JAKMIP3: variants seen among roughly 807,000 people sequenced by gnomAD.
The protein encoded by JAKMIP3 is Janus kinase and microtubule interacting protein 3.
In JAKMIP3, 58 loss-of-function variants were observed where a neutral mutation model predicts 118.5. The observed-to-expected ratio is 0.49, with a 90% confidence interval of 0.40 to 0.61. The LOEUF is 0.61. JAKMIP3 is among the 20% of genes least tolerant of loss of function. The probability of loss-of-function intolerance (pLI) is 0.00; values close to 1 mark genes in which losing one functional copy is unlikely to be tolerated. For missense variants in JAKMIP3, 950 were observed against 1,109.0 expected, an observed-to-expected ratio of 0.86 and a Z score of 2.04; for synonymous variants, 486 against 451.2, an observed-to-expected ratio of 1.08 and a Z score of -0.98.
At chr10:132,061,680 C>T (rs528022084), upstream of JAKMIP3, among the ~76,000 whole-genome samples, 9 of 152,262 alleles carry the variant, frequency 5.9e-5, no homozygotes, top group South Asian at 2.1e-4. Context: ...AGCGGTAGCA[C>T]GGGGCTCTCG....
At chr10:132,107,992 T>A (rs969055545) in intron 2 of JAKMIP3, among the ~76,000 whole-genome samples, 3 of 152,192 alleles carry the variant, frequency 2.0e-5, no homozygotes, top group Non-Finnish European at 4.4e-5. Flanking sequence ...CAAGGGCAGC[T>A]CCAGGAGTTG....
chr10:132,096,758 A>G (rs1377419143), intron 1 of JAKMIP3, among the ~76,000 whole-genome samples: 1 of 152,184 alleles, frequency 6.6e-6, no homozygotes, highest in Non-Finnish European at 1.5e-5. Flanking sequence ...AACCAGTGTA[A>G]GAAGACTCTG....
At chr10:132,046,331 C>T (rs1238066772) in intron 1 of JAKMIP3, among the ~76,000 whole-genome samples, 1 of 152,138 alleles carries the variant, frequency 6.6e-6, no homozygotes, top group Admixed American at 6.5e-5. Flanking sequence ...TGGCGGGCAC[C>T]TGTAGTCCCA....
chr10:132,054,824 T>G (rs2038194736), intron 1 of JAKMIP3, among the ~76,000 whole-genome samples: 1 of 152,184 alleles, frequency 6.6e-6, no homozygotes. Flanking sequence ...TCCAGCTTCC[T>G]GAGCCAGCCC....
intron 1 of JAKMIP3, among the ~76,000 whole-genome samples, chr10:132,039,124 C>T (rs1440806533): frequency 6.6e-6 from 1 of 152,180 alleles, no homozygotes; most frequent in Non-Finnish European, 1.5e-5. Context: ...ACTCAGCATT[C>T]GAACCTCTGT....
intron 21 of JAKMIP3, 64 bp downstream of exon 21, chr10:132,164,799 C>G (rs2058725543): frequency 1.8e-6 from 2 of 1,121,460 alleles, no homozygotes. Flanking sequence ...CGGTGTCACC[C>G]CGACCTGAGT....
chr10:132,085,735 G>C (rs1435425895), intron 1 of JAKMIP3, among the ~76,000 whole-genome samples: 1 of 152,046 alleles, frequency 6.6e-6, no homozygotes, highest in Non-Finnish European at 1.5e-5. Context: ...TCCTGACCTC[G>C]TGATCCACCC....
At chr10:132,039,703 C>T (rs944629903) in intron 1 of JAKMIP3, among the ~76,000 whole-genome samples, 3 of 152,218 alleles carry the variant, frequency 2.0e-5, no homozygotes, top group Non-Finnish European at 2.9e-5. Flanking sequence ...GGCTGGCCCC[C>T]GATTCCCTAC....
Position 132,104,841 on chromosome 10 carries a change from G to A in JAKMIP3, c.33G>A (p.Lys11=), listed in dbSNP as rs377579463. The A allele has an allele frequency of 1.5e-5, 23 of 1,554,376 alleles. No homozygotes were observed. The East Asian group carries it at 1.9e-4, about 13-fold the overall frequency. Residue 11 remains lysine (K), a synonymous_variant, in exon 2 of 24, where the codon AAG becomes AAA. Coordinates refer to ENST00000684848, the MANE Select transcript of JAKMIP3 (RefSeq NM_001323087.2). The stretch of plus-strand genomic sequence containing the variant: ...AGAGGGGCATGAGCAGCCGGGCCAA[G>A]GGGGACAAGGCAGAGGCCCTCGCGG... MSKRGMSSRA[K]GDKAEALAAL... is the part of the protein sequence containing the mutation.
At chr10:132,059,040 G>A (rs1447593422) in intron 1 of JAKMIP3, among the ~76,000 whole-genome samples, 5 of 152,236 alleles carry the variant, frequency 3.3e-5, no homozygotes, top group Admixed American at 6.5e-5. Flanking sequence ...TCGGATGCCC[G>A]GCTTGTGTCT....
In JAKMIP3 at chr10:132,133,558, C is replaced by A. The variant is rs373581338; in HGVS notation, c.849+31C>A. On this transcript the variant is annotated intron_variant, in intron 4 of 23. Transcript: ENST00000684848. ...CACCTCCCAGGCCCACCGGCCCACC[C>A]CGTGTCACAGACAGACCTGGCCATG... The A allele has an allele frequency of 2.1e-4, 330 of 1,537,852 alleles. 3 individuals are homozygous for A. In the African/African-American group the frequency reaches 4.0e-3, roughly 19 times the overall value.
chr10:132,164,922 T>TGAGCTGGGC (rs2058741310), intron 21 of JAKMIP3, among the ~76,000 whole-genome samples, 187 bp downstream of exon 21: 1 of 134,342 alleles, frequency 7.4e-6, no homozygotes, highest in Non-Finnish European at 1.7e-5. Flanking sequence ...CTGAGCTGGG[T>TGAGCTGGGC]GGTAGCTGCA....
intron 1 of JAKMIP3, among the ~76,000 whole-genome samples, chr10:132,097,620 C>A (rs1323820155): frequency 6.6e-6 from 1 of 152,014 alleles, no homozygotes; most frequent in Non-Finnish European, 1.5e-5. Flanking sequence ...CAACCTTTGT[C>A]CCCTGGCTGT....
chr10:132,130,816 G>C (rs1589887950), intron 3 of JAKMIP3, among the ~76,000 whole-genome samples: 1 of 152,172 alleles, frequency 6.6e-6, no homozygotes, highest in Non-Finnish European at 1.5e-5. Flanking sequence ...GATCATGTCC[G>C]TGGGCTTCAC....
chr10:132,151,069 C>T (rs1047924263), intron 16 of JAKMIP3, among the ~76,000 whole-genome samples: 8 of 152,220 alleles, frequency 5.3e-5, no homozygotes, highest in African/African-American at 1.9e-4. Flanking sequence ...ACCTTTCACC[C>T]ATCCATCCAT....
chr10:132,178,555 C>T (rs993884968), intron 23 of JAKMIP3, among the ~76,000 whole-genome samples: 3 of 152,198 alleles, frequency 2.0e-5, no homozygotes, highest in Non-Finnish European at 4.4e-5. Flanking sequence ...GTGCTTGGCC[C>T]TCACTCCATG....
intron 2 of JAKMIP3, 148 bp downstream of exon 2, chr10:132,105,091 G>A (rs1419178900): frequency 2.1e-6 from 2 of 955,524 alleles, no homozygotes; most frequent in African/African-American, 1.7e-5. Context: ...CCACTTGGTG[G>A]GGGGTGGGGC....
At chr10:132,143,066 G>A (rs2053873227) in intron 11 of JAKMIP3, among the ~76,000 whole-genome samples, 1 of 151,856 alleles carries the variant, frequency 6.6e-6, no homozygotes, top group South Asian at 2.1e-4. Flanking sequence ...CTGCCTTCCT[G>A]GCACCTCATT....
chr10:132,084,867 G>T (rs1212198205), intron 1 of JAKMIP3, among the ~76,000 whole-genome samples: 1 of 152,106 alleles, frequency 6.6e-6, no homozygotes. Flanking sequence ...TTTATGTATT[G>T]TATCACATTT....
Sources: gnomAD v4.1 joint callset for allele counts (sites outside exome capture counted in the v4.1 genomes callset) on GRCh38, gnomAD v4.1.1 for gene constraint, MANE v1.5 for transcripts, NCBI Gene and HGNC (gene_info 2026-07-23, HGNC 2026-07-21) for gene names.